The following HIVEP2 variants were observed in gnomAD, a reference collection of about 807,000 sequenced individuals.
HIVEP2 encodes the protein HIVEP zinc finger 2, also known as transcription factor HIVEP2.
Under a neutral mutation model 180.7 loss-of-function variants are expected in HIVEP2, and 14 were observed. That is an observed-to-expected ratio of 0.08 (90% CI 0.05 to 0.12). HIVEP2 has a LOEUF of 0.12. Among genes scored for constraint, HIVEP2 ranks in the 10% least tolerant of loss-of-function variants. The pLI is 1.00. For synonymous variants in HIVEP2, 1,184 were observed against 1,136.4 expected, an observed-to-expected ratio of 1.04 and a Z score of -0.84; for missense variants, 2,579 against 3,008.5, an observed-to-expected ratio of 0.86 and a Z score of 3.34.
rs1252727952 is a variant in HIVEP2, at chr6:142,774,490, T to G, written c.249A>C (p.Gln83His). 6.2e-7 allele frequency: 1 copy of G among 1,614,040 alleles called. No homozygotes were observed. Reference sequence around the variant, plus strand: ...AAGGACTCGGACGATGCGGTGGATATTGCTTCTCTGCGACTTGCTGCACCA... The same window carrying G: ...AAGGACTCGGACGATGCGGTGGATAGTGCTTCTCTGCGACTTGCTGCACCA... Reference protein sequence around the residue: ...SEVVQQVAEKQYPPHRPSPYS... With the variant: ...SEVVQQVAEKHYPPHRPSPYS... The change falls in exon 5 of 10, where the codon CAA (glutamine) becomes CAC (histidine). Residue 83 changes from glutamine (Q) to histidine (H), a missense_variant. Physicochemically the swap from Gln to His is conservative, Grantham distance 24. Coordinates refer to ENST00000367603, the MANE Select transcript of HIVEP2 (RefSeq NM_006734.4). The surrounding 1 kb of genome is among the most constrained non-coding windows in gnomAD (Gnocchi z 5.1).
At chr6:142,908,854 C>CAAAAAAAAAA (rs11443809) in intron 1 of HIVEP2, among the ~76,000 whole-genome samples, 1 of 87,856 alleles carries the variant, frequency 1.1e-5, no homozygotes, top group Non-Finnish European at 2.2e-5. Context: ...TACCACCTCT[C>CAAAAAAAAAA]AAAAAAAAAA....
chr6:142,871,124 A>G (rs1469284797), intron 1 of HIVEP2, among the ~76,000 whole-genome samples: 1 of 152,218 alleles, frequency 6.6e-6, no homozygotes, highest in Non-Finnish European at 1.5e-5. Flanking sequence ...GATATTTACA[A>G]TCATCTCTGA....
At position 142,774,012 on chromosome 6, in the gene HIVEP2, T is replaced by A; in HGVS notation, c.727A>T (p.Ile243Phe). ...GTGAAAGGTACTAATCCTGCCTTAATTGCATGGGCATGTGACTTCCTGTGC... is the reference window on the plus strand; with the variant it reads ...GTGAAAGGTACTAATCCTGCCTTAAATGCATGGGCATGTGACTTCCTGTGC... ...YKHRKSHAHAIKAGLVPFTES... is the reference protein window; with the variant it reads ...YKHRKSHAHAFKAGLVPFTES... Residue 243 changes from isoleucine (I) to phenylalanine (F), a missense_variant, in exon 5 of 10, where the codon ATT becomes TTT. Physicochemically the swap from Ile to Phe is conservative, Grantham distance 21. Coordinates refer to ENST00000367603, the MANE Select transcript of HIVEP2 (RefSeq NM_006734.4). This position sits in a 1 kb window ranked among gnomAD's most constrained non-coding sequence, Gnocchi z 5.1. 6.2e-7 allele frequency: 1 copy of A among 1,614,242 alleles called. No individual in the cohort carries two copies.
chr6:142,863,510 T>G (rs1776059630), intron 1 of HIVEP2, among the ~76,000 whole-genome samples: 1 of 152,148 alleles, frequency 6.6e-6, no homozygotes, highest in Non-Finnish European at 1.5e-5. Flanking sequence ...TCAAGGCATA[T>G]CTGATAAAAT....
chr6:142,864,948 T>C (rs965163897), intron 1 of HIVEP2, among the ~76,000 whole-genome samples: 2 of 152,208 alleles, frequency 1.3e-5, no homozygotes, highest in African/African-American at 2.4e-5. Flanking sequence ...AAGTTAACTA[T>C]GTCTATATCT....
chr6:142,938,029 T>C (rs1482517652), intron 1 of HIVEP2, among the ~76,000 whole-genome samples: 10 of 152,194 alleles, frequency 6.6e-5, no homozygotes, highest in Admixed American at 6.5e-4. Flanking sequence ...TATAATGACA[T>C]TGCATTCTCT....
At chr6:142,849,260 A>T (rs1026608900) in intron 1 of HIVEP2, among the ~76,000 whole-genome samples, 4 of 152,192 alleles carry the variant, frequency 2.6e-5, no homozygotes, top group African/African-American at 9.6e-5. Context: ...GGAAGCTCTG[A>T]CAGTGGAGAC....
At chr6:142,781,267 G>C (rs752271018) in intron 3 of HIVEP2, among the ~76,000 whole-genome samples, 1 of 152,142 alleles carries the variant, frequency 6.6e-6, no homozygotes, top group Admixed American at 6.5e-5. Context: ...AATGCAGTAT[G>C]AGAGTAATTC....
At chr6:142,905,608 T>C (rs1777241986) in intron 1 of HIVEP2, among the ~76,000 whole-genome samples, 1 of 152,240 alleles carries the variant, frequency 6.6e-6, no homozygotes, top group Non-Finnish European at 1.5e-5. Context: ...AATTCTTAAT[T>C]TACTAGCCAG....
chr6:142,856,850 C>T (rs925364503), intron 1 of HIVEP2, among the ~76,000 whole-genome samples: 1 of 152,202 alleles, frequency 6.6e-6, no homozygotes, highest in African/African-American at 2.4e-5. Context: ...GAGCCCACAG[C>T]AGGAAGTGGA....
intron 1 of HIVEP2, among the ~76,000 whole-genome samples, chr6:142,887,040 T>G (rs1026278469): frequency 1.3e-5 from 2 of 152,200 alleles, no homozygotes; most frequent in African/African-American, 4.8e-5. Flanking sequence ...AAATGTTCAC[T>G]GGTGCCCTCT....
intron 2 of HIVEP2, among the ~76,000 whole-genome samples, chr6:142,784,256 C>A (rs955146185): frequency 5.3e-5 from 8 of 152,142 alleles, no homozygotes; most frequent in Admixed American, 3.9e-4. Context: ...GTATAAAAGA[C>A]CTACTTAAAA....
chr6:142,764,743 G>T, intron 7 of HIVEP2, 56 bp downstream of exon 7: 2 of 1,311,960 alleles, frequency 1.5e-6, no homozygotes, highest in Non-Finnish European at 2.2e-6. Flanking sequence ...ATAGCACTCA[G>T]AAATCTAAGT....
intron 1 of HIVEP2, among the ~76,000 whole-genome samples, chr6:142,872,546 C>T (rs1776318500): frequency 6.6e-6 from 1 of 152,166 alleles, no homozygotes; most frequent in African/African-American, 2.4e-5. Context: ...GGTGAAACTC[C>T]AGCTGCTGAT....
chr6:142,777,768 GTTTA>G (rs1451531306), intron 3 of HIVEP2, among the ~76,000 whole-genome samples: 1 of 141,552 alleles, frequency 7.1e-6, no homozygotes, highest in South Asian at 2.4e-4. Context: ...TTTAATTTTT[GTTTA>G]TTTTTCTTAA....
At chr6:142,828,869 G>A (rs1161799308) in intron 2 of HIVEP2, among the ~76,000 whole-genome samples, 1 of 152,182 alleles carries the variant, frequency 6.6e-6, no homozygotes, top group Non-Finnish European at 1.5e-5. Flanking sequence ...GTTGACAACA[G>A]ATATTAAATT....
intron 1 of HIVEP2, among the ~76,000 whole-genome samples, chr6:142,941,945 G>C (rs1049338145): frequency 6.6e-6 from 1 of 152,058 alleles, no homozygotes; most frequent in African/African-American, 2.4e-5. Context: ...ATATGAAAAC[G>C]GTGTTTATTT....
intron 1 of HIVEP2, among the ~76,000 whole-genome samples, chr6:142,849,448 T>G (rs1775593182): frequency 6.6e-6 from 1 of 152,214 alleles, no homozygotes; most frequent in African/African-American, 2.4e-5. Context: ...CATGGGAATA[T>G]GTGAACTGAA....
rs749509886 is a variant in HIVEP2, at chr6:142,760,226, C to T, written c.6062G>A (p.Cys2021Tyr). ...PDKDRLDIPS[C>Y]MDEECMLPSE... is the part of the protein sequence containing the mutation. ...AGGTAGCATGCACTCCTCATCCATACAACTAGGTATGTCCAATCTGTCTTT... is the reference window on the plus strand; with the variant it reads ...AGGTAGCATGCACTCCTCATCCATATAACTAGGTATGTCCAATCTGTCTTT... Residue 2021 changes from cysteine (C) to tyrosine (Y), a missense_variant, in exon 9 of 10, where the codon TGT (cysteine) becomes TAT (tyrosine). Physicochemically the swap from Cys to Tyr is radical, Grantham distance 194 (BLOSUM62 -2). This residue lies in a region of HIVEP2 where 660 missense variants were observed against 731.7 expected (regional missense o/e 0.90). Transcript: ENST00000367603. 43 of 1,614,052 alleles carry T rather than the reference C, an allele frequency of 2.7e-5. 1 individual carries two copies. The highest frequency in any genetic ancestry group is 3.2e-5 in the Non-Finnish European group (38 of 1,180,020).
Sources: gnomAD v4.1 joint callset for allele counts (sites outside exome capture counted in the v4.1 genomes callset) on GRCh38, gnomAD v4.1.1 for gene constraint, gnomAD v4.1.1 regional missense constraint, Gnocchi (gnomAD v3.1) non-coding constraint, MANE v1.5 for transcripts, NCBI Gene and HGNC (gene_info 2026-07-23, HGNC 2026-07-21) for gene names.